Variants in SKIC3 observed in about 807,000 individuals in gnomAD.
SKIC3 encodes the protein superkiller complex protein 3.
At chr5:95,466,208 C>G in the SKIC3 span, among the ~76,000 whole-genome samples, 1 of 152,086 alleles carries the variant, frequency 6.6e-6, no homozygotes, top group African/African-American at 2.4e-5. Flanking sequence ...ATTTTGGATA[C>G]ATATATATTT....
chr5:95,524,380 G>A, the SKIC3 span: 9 of 1,557,584 alleles, frequency 5.8e-6, no homozygotes, highest in Non-Finnish European at 7.9e-6. Context: ...TCAGTAAAGA[G>A]TAATTGTAAC....
chr5:95,484,994 C>T, the SKIC3 span: 3 of 817,498 alleles, frequency 3.7e-6, no homozygotes, highest in Non-Finnish European at 5.9e-6. Context: ...ATAGACTATC[C>T]TGACAAGTGG....
the SKIC3 span, chr5:95,536,391 C>A: frequency 4.4e-6 from 1 of 225,436 alleles, no homozygotes. Flanking sequence ...GTAATATAGC[C>A]TGACCTATTT....
At chr5:95,549,650 C>T in the SKIC3 span, among the ~76,000 whole-genome samples, 6 of 151,994 alleles carry the variant, frequency 3.9e-5, no homozygotes, top group Non-Finnish European at 7.4e-5. Context: ...CTCATGCATA[C>T]ACACATATAT....
At chr5:95,474,317 CCTTCA>C in the SKIC3 span, among the ~76,000 whole-genome samples, 1,896 of 152,136 alleles carry the variant, frequency 0.012, 40 homozygotes, top group African/African-American at 0.044. Flanking sequence ...ATTTGCTTGC[CCTTCA>C]CTTATTTAGT....
the SKIC3 span, among the ~76,000 whole-genome samples, chr5:95,552,981 C>T: frequency 2.6e-5 from 4 of 151,652 alleles, no homozygotes; most frequent in East Asian, 1.9e-4. Context: ...TTAACTTCAA[C>T]TTAAAATAGG....
chr5:95,526,477 T>TG, the SKIC3 span, among the ~76,000 whole-genome samples: 38 of 151,754 alleles, frequency 2.5e-4, no homozygotes, highest in Admixed American at 1.4e-3. Flanking sequence ...GTCTTTTTTT[T>TG]TTTGTTTTTT....
chr5:95,510,253 G>T, the SKIC3 span, among the ~76,000 whole-genome samples: 1 of 152,166 alleles, frequency 6.6e-6, no homozygotes, highest in African/African-American at 2.4e-5. Flanking sequence ...ACTCCATCTT[G>T]CTTCTAACCT....
chr5:95,502,915 TC>T, the SKIC3 span: 1 of 1,614,082 alleles, frequency 6.2e-7, no homozygotes, highest in Non-Finnish European at 8.5e-7. Context: ...CATCCGTTTT[TC>T]CTTGTTTATA....
At chr5:95,499,127 T>C in the SKIC3 span, among the ~76,000 whole-genome samples, 3 of 152,174 alleles carry the variant, frequency 2.0e-5, no homozygotes, top group African/African-American at 7.2e-5. Flanking sequence ...GCCAAACTTA[T>C]TTTCTGGTCA....
chr5:95,548,623 T>C, the SKIC3 span: 1 of 151,986 alleles, frequency 6.6e-6, no homozygotes, highest in Non-Finnish European at 1.5e-5. Context: ...TTTTTGTAGT[T>C]TGCAAATCTT....
the SKIC3 span, chr5:95,495,174 G>A: frequency 3.0e-6 from 2 of 671,622 alleles, no homozygotes; most frequent in Admixed American, 2.9e-5. Context: ...ATTTATTATT[G>A]TTGTTTGAAA....
the SKIC3 span, chr5:95,502,955 T>G: frequency 3.1e-6 from 5 of 1,614,160 alleles, no homozygotes; most frequent in South Asian, 4.4e-5. Context: ...TGTCAAGATA[T>G]GGGCTTTGTC....
the SKIC3 span, among the ~76,000 whole-genome samples, chr5:95,521,891 A>G: frequency 2.0e-5 from 3 of 152,100 alleles, no homozygotes; most frequent in Non-Finnish European, 4.4e-5. Flanking sequence ...ATCTTTTTAT[A>G]TTCAAATTTA....
At chr5:95,516,055 G>A in the SKIC3 span, among the ~76,000 whole-genome samples, 51 of 152,170 alleles carry the variant, frequency 3.4e-4, no homozygotes, top group African/African-American at 1.2e-3. Context: ...TCTTACATGT[G>A]TACAGATTTA....
the SKIC3 span, chr5:95,541,279 A>G: frequency 1.2e-6 from 2 of 1,610,998 alleles, no homozygotes; most frequent in Non-Finnish European, 1.7e-6. Context: ...CTATTATTAA[A>G]AGAAGTCAGA....
the SKIC3 span, among the ~76,000 whole-genome samples, chr5:95,515,435 C>T: frequency 1.3e-5 from 2 of 151,914 alleles, no homozygotes; most frequent in South Asian, 2.1e-4. Context: ...AACTTGGATG[C>T]TTTTTTTTCT....
At chr5:95,487,101 GC>G in the SKIC3 span, among the ~76,000 whole-genome samples, 2 of 152,102 alleles carry the variant, frequency 1.3e-5, no homozygotes, top group Admixed American at 1.3e-4. Context: ...TATAAAGCAA[GC>G]AGAAAAACAC....
At chr5:95,494,610 T>G in the SKIC3 span, 1 of 1,456,742 alleles carries the variant, frequency 6.9e-7, no homozygotes, top group Non-Finnish European at 9.6e-7. Flanking sequence ...GTGCAAGATT[T>G]TTCCCCCACT....
Sources: gnomAD v4.1 joint callset for allele counts (sites outside exome capture counted in the v4.1 genomes callset) on GRCh38, gnomAD v4.1.1 for gene constraint, MANE v1.5 for transcripts, NCBI Gene and HGNC (gene_info 2026-07-23, HGNC 2026-07-21) for gene names.